The following NSD1 variants were observed in gnomAD, a reference collection of about 807,000 sequenced individuals.
The protein encoded by NSD1 is nuclear receptor binding SET domain protein 1.
Under a neutral mutation model 242.7 loss-of-function variants are expected in NSD1, and 26 were observed. The observed-to-expected ratio is 0.11, with a 90% CI of 0.08 to 0.15. The LOEUF (loss-of-function observed/expected upper bound fraction) is 0.15, where lower values mean the gene tolerates loss of function less well. Among genes scored for constraint, NSD1 ranks in the 10% least tolerant of loss-of-function variants. The pLI, the probability that NSD1 is intolerant of heterozygous loss-of-function variation, is 1.00. For missense variants in NSD1, 2,495 were observed against 3,272.8 expected (o/e 0.76, Z 5.80); for synonymous variants, 1,106 against 1,178.1 (o/e 0.94, Z 1.25).
intron 5 of NSD1, among the ~76,000 whole-genome samples, chr5:177,220,782 G>A (rs1298160884): frequency 6.6e-6 from 1 of 151,850 alleles, no homozygotes; most frequent in African/African-American, 2.4e-5. Context: ...TGTTGGCCAC[G>A]CCAGTCTCAA....
Position 177,139,711 on chromosome 5 carries a change from T to C in NSD1, c.927+3681T>C, listed in dbSNP as rs773236584. ...GGCTAACACCTGTAATTCTAGCAAG[T>C]TGGGAAGCCGAGACAAAAGGATTGC... On this transcript the variant is annotated intron_variant, in intron 2 of 22. Coordinates refer to ENST00000439151, the MANE Select transcript of NSD1 (RefSeq NM_022455.5). Among the ~76,000 whole-genome samples the C allele has an allele frequency of 1.4e-4, 22 of 152,168 alleles. 1 individual carries two copies. The highest frequency in any genetic ancestry group is 4.8e-4 in the African/African-American group (20 of 41,428).
intron 5 of NSD1, among the ~76,000 whole-genome samples, chr5:177,230,826 CAAAA>C (rs531025218): frequency 7.8e-6 from 1 of 127,508 alleles, no homozygotes; most frequent in Non-Finnish European, 1.7e-5. Context: ...GACTCCGACT[CAAAA>C]AAAAAAAAGA....
At chr5:177,182,939 C>CT (rs905187777) in intron 2 of NSD1, among the ~76,000 whole-genome samples, 96 of 151,978 alleles carry the variant, frequency 6.3e-4, no homozygotes, top group African/African-American at 2.2e-3. Context: ...TGCCTGGCCT[C>CT]TTTTTTTGTT....
intron 2 of NSD1, among the ~76,000 whole-genome samples, chr5:177,140,469 C>G (rs1243532696): frequency 6.6e-6 from 1 of 152,022 alleles, no homozygotes; most frequent in African/African-American, 2.4e-5. Flanking sequence ...GTTTGGAAGA[C>G]TTTGAGTAGA....
chr5:177,289,912 C>G (rs77667555), intron 21 of NSD1, among the ~76,000 whole-genome samples: 5 of 151,254 alleles, frequency 3.3e-5, no homozygotes, highest in Non-Finnish European at 7.4e-5. Context: ...ACTGCAAGCT[C>G]CGTCTCCCGG....
chr5:177,149,683 C>T (rs1330978132), intron 2 of NSD1, among the ~76,000 whole-genome samples: 3 of 152,044 alleles, frequency 2.0e-5, no homozygotes, highest in Non-Finnish European at 4.4e-5. Context: ...TCATAAGAAG[C>T]GCGCAACCTA....
Position 177,260,098 on chromosome 5 carries a change from C to T in NSD1, c.5076C>T (p.His1692=), listed in dbSNP as rs1465338757. Residue 1692 remains histidine, a synonymous_variant, in exon 14 of 23, where the codon CAC becomes CAT. Transcript: ENST00000439151. ...LASNSIICPN[H]FTPRRGCRNH... is the part of the protein sequence containing the mutation. ...CTAATAGTATCATCTGCCCTAATCACTTTACCCCTAGGCGGGGCTGCCGAA... is the reference window on the plus strand; with the variant it reads ...CTAATAGTATCATCTGCCCTAATCATTTTACCCCTAGGCGGGGCTGCCGAA... 2.5e-6 allele frequency: 4 copies of T among 1,614,022 alleles called. No individual in the cohort carries two copies. The highest frequency in any genetic ancestry group is 3.4e-6 in the Non-Finnish European group (4 of 1,180,038).
intron 6 of NSD1, among the ~76,000 whole-genome samples, chr5:177,237,026 A>G (rs1199910328): frequency 6.6e-6 from 1 of 152,096 alleles, no homozygotes; most frequent in Non-Finnish European, 1.5e-5. Flanking sequence ...TTTTTTTTGT[A>G]GAGGCGGTGT....
In NSD1 at chr5:177,264,028, A is replaced by ATTTTTTTTTTTTTTTTTTT. The variant is rs61538775; in HGVS notation, c.5147-3526_5147-3508dup. Among the ~76,000 whole-genome samples, 366 of 76,374 alleles carry ATTTTTTTTTTTTTTTTTTT rather than the reference A, an allele frequency of 4.8e-3. 55 individuals are homozygous for ATTTTTTTTTTTTTTTTTTT. Among genetic ancestry groups the ATTTTTTTTTTTTTTTTTTT allele is most frequent in the Middle Eastern group, 0.017 (2 of 118 alleles). 50.1% of individuals were successfully genotyped at this position (76,374 alleles called of 152,430 possible). ...AAGATGCATATGACTCAATGAACCAATTTTTTTTTTTTTTTTTTTTTTTTT... is the reference window on the plus strand; with the variant it reads ...AAGATGCATATGACTCAATGAACCAATTTTTTTTTTTTTTTTTTTTTTTTTTTTTTTTTTTTTTTTTTTT... On this transcript the variant is annotated intron_variant, in intron 14 of 22. Coordinates refer to ENST00000439151, the MANE Select transcript of NSD1 (RefSeq NM_022455.5).
At chr5:177,279,901 G>T (rs1223596312) in intron 17 of NSD1, among the ~76,000 whole-genome samples, 2 of 151,048 alleles carry the variant, frequency 1.3e-5, no homozygotes, top group African/African-American at 4.8e-5. Flanking sequence ...ACAGGTGTGA[G>T]CCACCAGGCG....
At chr5:177,202,598 C>T (rs1484869768) in intron 3 of NSD1, among the ~76,000 whole-genome samples, 2 of 151,990 alleles carry the variant, frequency 1.3e-5, no homozygotes, top group South Asian at 2.1e-4. Context: ...AGGCTGGTCT[C>T]GAACTCCTGG....
chr5:177,257,228 CTT>C (rs373383515), intron 13 of NSD1, 77 bp downstream of exon 13: 32,917 of 682,880 alleles, frequency 0.048, 1 homozygote, highest in East Asian at 0.062. Flanking sequence ...TTTTTTCTTT[CTT>C]TTTTTTTTTT....
At chr5:177,245,667 G>A (rs1226456961) in intron 9 of NSD1, among the ~76,000 whole-genome samples, 2 of 149,986 alleles carry the variant, frequency 1.3e-5, no homozygotes, top group Non-Finnish European at 3.0e-5. Flanking sequence ...ATGGAGTCTG[G>A]CTCTGTTGCC....
intron 5 of NSD1, among the ~76,000 whole-genome samples, chr5:177,222,086 C>T (rs916338555): frequency 1.8e-4 from 28 of 152,068 alleles, no homozygotes; most frequent in Non-Finnish European, 4.0e-4. Flanking sequence ...GCTGGGATTA[C>T]AGGCGTGAGC....
rs1756154174 is a variant in NSD1, at chr5:177,134,658, G to GA, written c.-17-427dup. Among the ~76,000 whole-genome samples the GA allele has an allele frequency of 6.6e-6, 1 of 152,186 alleles. No individual in the cohort carries two copies. Among genetic ancestry groups the GA allele is most frequent in the African/African-American group, 2.4e-5 (1 of 41,452 alleles). The stretch of plus-strand genomic sequence containing the variant: ...TGACCGCTGCGCCCTAGCGAGCCAG[G>GA]AAGGGGGGGGTACCTTTTTGTGCAG... On this transcript the variant is annotated intron_variant, in intron 1 of 22. Coordinates refer to ENST00000439151, the MANE Select transcript of NSD1 (RefSeq NM_022455.5). The surrounding 1 kb of genome is among the most constrained non-coding windows in gnomAD (Gnocchi z 4.2).
intron 2 of NSD1, among the ~76,000 whole-genome samples, chr5:177,160,462 G>A (rs963857087): frequency 8.0e-5 from 12 of 150,572 alleles, no homozygotes; most frequent in South Asian, 2.1e-4. Flanking sequence ...CACGACGCCC[G>A]GCTGATTTTT....
chr5:177,133,331 G>T (rs1028195571), upstream of NSD1, among the ~76,000 whole-genome samples: 1 of 152,186 alleles, frequency 6.6e-6, no homozygotes, highest in Non-Finnish European at 1.5e-5. The surrounding 1 kb of genome is among the most constrained non-coding windows in gnomAD (Gnocchi z 6.2). Flanking sequence ...GCCAGGTGCC[G>T]CCTGGGTTGG....
At chr5:177,202,134 C>A (rs1762555030) in intron 3 of NSD1, among the ~76,000 whole-genome samples, 1 of 150,960 alleles carries the variant, frequency 6.6e-6, no homozygotes, top group South Asian at 2.1e-4. Flanking sequence ...TGCCATAGCA[C>A]TCCAGACTGA....
intron 21 of NSD1, 67 bp downstream of exon 21, chr5:177,288,992 G>A (rs754446154): frequency 1.5e-5 from 16 of 1,085,162 alleles, no homozygotes; most frequent in Non-Finnish European, 2.1e-5. Flanking sequence ...CAGTGTTAGG[G>A]CAGTCTACAT....
Sources: gnomAD v4.1 joint callset for allele counts (sites outside exome capture counted in the v4.1 genomes callset) on GRCh38, gnomAD v4.1.1 for gene constraint, Gnocchi (gnomAD v3.1) non-coding constraint, MANE v1.5 for transcripts, NCBI Gene and HGNC (gene_info 2026-07-23, HGNC 2026-07-21) for gene names.